Variants in LMTK2 observed in about 807,000 individuals in gnomAD.
The protein encoded by LMTK2 is lemur tail kinase 2.
Under a neutral mutation model 127.5 loss-of-function variants are expected in LMTK2, and 37 were observed. That is an observed-to-expected ratio of 0.29 (90% CI 0.22 to 0.38). LMTK2 has a LOEUF of 0.38. Among genes scored for constraint, LMTK2 ranks in the 10% least tolerant of loss-of-function variants. The probability of loss-of-function intolerance (pLI) is 1.00; values close to 1 mark genes in which losing one functional copy is unlikely to be tolerated. For synonymous variants in LMTK2, 819 were observed against 810.1 expected, an observed-to-expected ratio of 1.01 and a Z score of -0.19; for missense variants, 1,694 against 1,920.3, an observed-to-expected ratio of 0.88 and a Z score of 2.20.
Position 98,193,298 on chromosome 7 carries a change from G to A in LMTK2, c.2833G>A (p.Glu945Lys), listed in dbSNP as rs750832828. 6.2e-7 allele frequency: 1 copy of A among 1,613,970 alleles called. No homozygotes were observed. Among genetic ancestry groups the A allele is most frequent in the South Asian group, 1.1e-5 (1 of 91,076 alleles). Reference protein sequence around the residue: ...HSHRRLEKNLEAVETLNQLNS... With the variant: ...HSHRRLEKNLKAVETLNQLNS... ...TCATCGCCGGCTAGAGAAAAACTTA[G>A]AGGCTGTGGAGACTTTAAATCAGCT... The change falls in exon 11 of 14, where the codon GAG becomes AAG. Residue 945 changes from glutamate to lysine, a missense_variant. Around this residue, in one of 8 missense-constraint regions of LMTK2, gnomAD observed 527 missense variants for 539.8 expected, o/e 0.98. Coordinates refer to ENST00000297293, the MANE Select transcript of LMTK2 (RefSeq NM_014916.4). The surrounding 1 kb of genome is among the most constrained non-coding windows in gnomAD (Gnocchi z 4.1).
At chr7:98,116,203 G>GT (rs1330804959) in intron 1 of LMTK2, among the ~76,000 whole-genome samples, 2 of 152,170 alleles carry the variant, frequency 1.3e-5, no homozygotes, top group African/African-American at 2.4e-5. Flanking sequence ...CTACATCATT[G>GT]TTTAAGTCCT....
At chr7:98,187,466 C>G (rs1461913944) in intron 9 of LMTK2, among the ~76,000 whole-genome samples, 2 of 147,912 alleles carry the variant, frequency 1.4e-5, no homozygotes, top group Admixed American at 6.8e-5. Context: ...TGTTGTCCTG[C>G]TTTTTTTTTT....
At chr7:98,197,173 C>T (rs991747861) in intron 11 of LMTK2, among the ~76,000 whole-genome samples, 3 of 152,256 alleles carry the variant, frequency 2.0e-5, no homozygotes, top group Admixed American at 6.5e-5. Flanking sequence ...GTAGTAAAGG[C>T]TGGTGAACAG....
chr7:98,186,685 T>G (rs1206058516), intron 8 of LMTK2, among the ~76,000 whole-genome samples, 192 bp from the exon 9 acceptor site: 1 of 152,202 alleles, frequency 6.6e-6, no homozygotes, highest in African/African-American at 2.4e-5. Context: ...GATGAGGTCA[T>G]GAAGCCCAGG....
intron 7 of LMTK2, among the ~76,000 whole-genome samples, chr7:98,182,040 G>T (rs1584285984): frequency 6.6e-6 from 1 of 152,220 alleles, no homozygotes; most frequent in South Asian, 2.1e-4. Flanking sequence ...GGGAAAATGG[G>T]ATATCCACAT....
rs551309855 is a variant in LMTK2 at position 98,190,362 on chromosome 7, A to G, written c.999-366A>G. 3.0e-4 allele frequency among the ~76,000 whole-genome samples: 46 copies of G among 152,334 alleles called. 1 individual carries two copies. The highest frequency in any genetic ancestry group is 1.1e-3 in the African/African-American group (44 of 41,578). On this transcript the variant is annotated intron_variant, in intron 9 of 13. Transcript: ENST00000297293. ...TTTGGAAGGCCAAGGCAGGTGGATCACCTGAGGTCAGGACTTTGAGAGCAG... is the reference window on the plus strand; with the variant it reads ...TTTGGAAGGCCAAGGCAGGTGGATCGCCTGAGGTCAGGACTTTGAGAGCAG...
At chr7:98,164,631 G>A (rs2116409489) in intron 6 of LMTK2, among the ~76,000 whole-genome samples, 1 of 152,312 alleles carries the variant, frequency 6.6e-6, no homozygotes, top group East Asian at 1.9e-4. Context: ...GCGTATAGAA[G>A]TACGGGAGTC....
chr7:98,134,732 C>G (rs1796575263), intron 1 of LMTK2, among the ~76,000 whole-genome samples: 1 of 152,094 alleles, frequency 6.6e-6, no homozygotes, highest in Non-Finnish European at 1.5e-5. Flanking sequence ...CAGCTCACTG[C>G]AAGGAGGAAG....
At chr7:98,162,749 C>T (rs1797033418) in intron 6 of LMTK2, among the ~76,000 whole-genome samples, 1 of 152,206 alleles carries the variant, frequency 6.6e-6, no homozygotes, top group Non-Finnish European at 1.5e-5. Flanking sequence ...ACCATATGAT[C>T]CAGCTAGTTC....
chr7:98,107,343 A>AGGGCC (rs1462542180), intron 1 of LMTK2, 63 bp downstream of exon 1: 1 of 616,864 alleles, frequency 1.6e-6, no homozygotes, highest in Non-Finnish European at 1.9e-6. Context: ...AGGGGGCGGC[A>AGGGCC]GGGCCGGGCC....
chr7:98,189,649 C>T (rs1057094700), intron 9 of LMTK2, among the ~76,000 whole-genome samples: 3 of 152,010 alleles, frequency 2.0e-5, no homozygotes, highest in Non-Finnish European at 4.4e-5. Context: ...GGAGGCAGTG[C>T]GTGGTGGGGA....
chr7:98,138,371 T>C (rs1232473421), intron 2 of LMTK2, among the ~76,000 whole-genome samples: 4 of 152,208 alleles, frequency 2.6e-5, no homozygotes, highest in South Asian at 2.1e-4. Flanking sequence ...TTTTGTGTGC[T>C]GTCTTTACCC....
chr7:98,205,490 T>G lies in LMTK2; in HGVS notation c.4510T>G (p.Ter1504GluextTer33). The G allele has an allele frequency of 6.2e-7, 1 of 1,613,238 alleles. No homozygotes were observed. The highest frequency in any genetic ancestry group is 8.5e-7 in the Non-Finnish European group (1 of 1,180,022). ...GGSSEDGEKD[*>E] ...AAGCAGCGAAGACGGAGAAAAGGAC[T>G]AGGTGGCTGCCAACGCGCACGCTCG... The change falls in exon 14 of 14, where the codon TAG (stop) becomes GAG (glutamate). Residue 1504 changes from the stop codon to glutamate, a stop_lost. Transcript: ENST00000297293.
chr7:98,201,486 T>C (rs1367565335), intron 11 of LMTK2, among the ~76,000 whole-genome samples: 1 of 152,202 alleles, frequency 6.6e-6, no homozygotes. Context: ...GGTTTTCCGA[T>C]TTGGGATGCT....
chr7:98,142,189 G>A (rs1796709103), intron 3 of LMTK2, among the ~76,000 whole-genome samples: 1 of 152,122 alleles, frequency 6.6e-6, no homozygotes, highest in Admixed American at 6.6e-5. Flanking sequence ...AAGAAGTAGG[G>A]TTTTCTGAGA....
intron 1 of LMTK2, among the ~76,000 whole-genome samples, chr7:98,115,111 C>T (rs910984808): frequency 1.1e-4 from 17 of 152,090 alleles, no homozygotes; most frequent in Admixed American, 4.6e-4. Flanking sequence ...TGACATGGGA[C>T]GGAAAGAACA....
chr7:98,201,599 G>GTGTTT (rs56186084), intron 11 of LMTK2, among the ~76,000 whole-genome samples: 85,662 of 149,670 alleles, frequency 0.57, 26,822 homozygotes, highest in Middle Eastern at 0.8. Flanking sequence ...CTTCGTGTGT[G>GTGTTT]TGTTTTGTTT....
chr7:98,191,203 C>T (rs1017152930), intron 10 of LMTK2, among the ~76,000 whole-genome samples: 2 of 152,210 alleles, frequency 1.3e-5, no homozygotes, highest in African/African-American at 2.4e-5. Flanking sequence ...CCACTTCAGC[C>T]TCCCATTGCC....
intron 6 of LMTK2, among the ~76,000 whole-genome samples, chr7:98,165,063 G>A (rs1584273477): frequency 6.6e-6 from 1 of 152,236 alleles, no homozygotes; most frequent in Non-Finnish European, 1.5e-5. Context: ...GCTGTCCTTT[G>A]ACAGTAGTGC....
Sources: gnomAD v4.1 joint callset for allele counts (sites outside exome capture counted in the v4.1 genomes callset) on GRCh38, gnomAD v4.1.1 for gene constraint, gnomAD v4.1.1 regional missense constraint, Gnocchi (gnomAD v3.1) non-coding constraint, MANE v1.5 for transcripts, NCBI Gene and HGNC (gene_info 2026-07-23, HGNC 2026-07-21) for gene names.